The following EPS15L1 variants were observed in gnomAD, a reference collection of about 807,000 sequenced individuals.
EPS15L1 encodes the protein epidermal growth factor receptor pathway substrate 15 like 1.
Under a neutral mutation model 117.1 loss-of-function variants are expected in EPS15L1, and 43 were observed. The observed-to-expected ratio is 0.37, with a 90% CI of 0.29 to 0.47. EPS15L1 has a LOEUF of 0.47. EPS15L1 is among the 20% of genes least tolerant of loss of function. The pLI is 0.99. For missense variants in EPS15L1, 981 were observed against 1,164.0 expected (o/e 0.84, Z 2.29); for synonymous variants, 459 against 470.5 (o/e 0.98, Z 0.32).
intron 1 of EPS15L1, among the ~76,000 whole-genome samples, chr19:16,465,383 G>T (rs1429925729): frequency 6.6e-6 from 1 of 152,136 alleles, no homozygotes; most frequent in Admixed American, 6.6e-5. Context: ...GAAACCTTTG[G>T]ATTCTCCTAA....
intron 22 of EPS15L1, among the ~76,000 whole-genome samples, 175 bp from the exon 23 acceptor site, chr19:16,362,159 T>A (rs905265345): frequency 4.6e-5 from 7 of 152,272 alleles, no homozygotes; most frequent in Middle Eastern, 3.4e-3. Context: ...ATCAGCTTTA[T>A]CCCAGGGGCT....
At chr19:16,373,115 G>A (rs1485852733) in intron 22 of EPS15L1, among the ~76,000 whole-genome samples, 8 of 152,224 alleles carry the variant, frequency 5.3e-5, no homozygotes, top group Non-Finnish European at 2.9e-5. Context: ...TTCCATGAGT[G>A]CAGGTGTCAA....
rs2092771159 is a variant in EPS15L1, at chr19:16,417,603, G to A, written c.1142C>T (p.Thr381Ile). The A allele has an allele frequency of 1.9e-6, 3 of 1,614,182 alleles. No individual in the cohort carries two copies. Among genetic ancestry groups the A allele is most frequent in the Non-Finnish European group, 2.5e-6 (3 of 1,180,016 alleles). The change falls in exon 12 of 24, where the codon ACT (threonine) becomes ATT (isoleucine). Residue 381 changes from threonine (T) to isoleucine (I), a missense_variant. Transcript: ENST00000455140. ...SSGSLGSGEF[T>I]GVKELDDISQ... ...GATGTCATCAAGCTCCTTCACGCCA[G>A]TAAACTCCCCGGAGCCGAGAGAGCC...
At chr19:16,378,764 G>A (rs1321232719) in intron 21 of EPS15L1, among the ~76,000 whole-genome samples, 1 of 152,224 alleles carries the variant, frequency 6.6e-6, no homozygotes, top group Admixed American at 6.5e-5. Context: ...TCAGGCGTCT[G>A]AGGGAAGGGG....
Position 16,355,431 on chromosome 19 carries a change from C to G in EPS15L1, c.*274G>C, listed in dbSNP as rs1284351991. 2.3e-6 allele frequency: 1 copy of G among 426,790 alleles called. No homozygotes were observed. Among genetic ancestry groups the G allele is most frequent in the Non-Finnish European group, 4.2e-6 (1 of 236,560 alleles). The allele number at this position is 426,790 out of a possible 1,614,324, so 26.4% of individuals were successfully genotyped here. On this transcript the variant is annotated 3_prime_UTR_variant, in exon 24 of 24. Coordinates refer to ENST00000455140, the MANE Select transcript of EPS15L1 (RefSeq NM_001258374.3). ...CCTCGACTGACCGCTGTGTGTTCGT[C>G]CCCAGAGGAAGAGCGGGAGGCAGTC...
intron 22 of EPS15L1, among the ~76,000 whole-genome samples, chr19:16,369,554 C>A (rs1568392799): frequency 6.6e-6 from 1 of 151,988 alleles, no homozygotes; most frequent in Non-Finnish European, 1.5e-5. Flanking sequence ...TTGGGGTCCT[C>A]AAAAGGCAAA....
At chr19:16,420,033 G>T (rs912782413) in intron 10 of EPS15L1, among the ~76,000 whole-genome samples, 3 of 152,190 alleles carry the variant, frequency 2.0e-5, no homozygotes, top group Non-Finnish European at 4.4e-5. Context: ...GGCAGCCATC[G>T]CAGGGAAAAA....
chr19:16,457,637 G>A lies in EPS15L1; in HGVS notation c.33+14276C>T, dbSNP rs372376256. ...GCAGAAGGGATGGAACTGGAATGGC[G>A]CCCGGGCAGGAGGGGAACAGATTCC... On this transcript the variant is annotated intron_variant, in intron 1 of 23. Coordinates refer to ENST00000455140, the MANE Select transcript of EPS15L1 (RefSeq NM_001258374.3). 2.9e-4 allele frequency among the ~76,000 whole-genome samples: 44 copies of A among 152,076 alleles called. 1 individual carries two copies. The highest frequency in any genetic ancestry group is 1.0e-3 in the African/African-American group (43 of 41,418).
Position 16,364,537 on chromosome 19 carries a change from G to A in EPS15L1, c.2381-2553C>T, listed in dbSNP as rs546101053. Among the ~76,000 whole-genome samples, 200 of 152,272 alleles carry A rather than the reference G, an allele frequency of 1.3e-3. 1 individual carries two copies. Among genetic ancestry groups the A allele is most frequent in the African/African-American group, 4.7e-3 (195 of 41,558 alleles). ...AGCCCGCAGACCCCGGGCTGGTTCC[G>A]CTGGCCTTGAGGAACTGCCTCACAC... On this transcript the variant is annotated intron_variant, in intron 22 of 23. Transcript: ENST00000455140.
rs1321492128 is a variant in EPS15L1, at chr19:16,381,434, C to A, written c.2247+3695G>T. On this transcript the variant is annotated intron_variant, in intron 21 of 23. Coordinates refer to ENST00000455140, the MANE Select transcript of EPS15L1 (RefSeq NM_001258374.3). The surrounding 1 kb of genome is among the most constrained non-coding windows in gnomAD (Gnocchi z 4.2). ...CAGACTGTCCTGCCCAGGCTGGAACCCCAACCCTGCCACCTACTCAACACC... is the reference window on the plus strand; with the variant it reads ...CAGACTGTCCTGCCCAGGCTGGAACACCAACCCTGCCACCTACTCAACACC... Among the ~76,000 whole-genome samples the A allele has an allele frequency of 6.6e-6, 1 of 152,226 alleles. No individual in the cohort carries two copies. The highest frequency in any genetic ancestry group is 2.4e-5 in the African/African-American group (1 of 41,460).
At chr19:16,420,456 A>G (rs1381044951) in intron 10 of EPS15L1, among the ~76,000 whole-genome samples, 1 of 152,130 alleles carries the variant, frequency 6.6e-6, no homozygotes, top group African/African-American at 2.4e-5. Context: ...GCTGAGACCC[A>G]CTGTCCCTAG....
At chr19:16,362,303 G>A (rs912312964) in intron 22 of EPS15L1, among the ~76,000 whole-genome samples, 2 of 151,614 alleles carry the variant, frequency 1.3e-5, no homozygotes, top group African/African-American at 4.9e-5. Flanking sequence ...ATTTTAGCAT[G>A]GCAACACATT....
chr19:16,376,008 CAG>C (rs2144695495), intron 22 of EPS15L1, among the ~76,000 whole-genome samples: 1 of 152,340 alleles, frequency 6.6e-6, no homozygotes, highest in Non-Finnish European at 1.5e-5. Context: ...TGCGATGACA[CAG>C]GGGCTGCAAA....
Position 16,381,597 on chromosome 19 carries a change from C to T in EPS15L1, c.2247+3532G>A, listed in dbSNP as rs957966869. On this transcript the variant is annotated intron_variant, in intron 21 of 23. Transcript: ENST00000455140. The surrounding 1 kb of genome is among the most constrained non-coding windows in gnomAD (Gnocchi z 4.2). ...AGATAAAGTTGGCACATGGACCACACGACAATGATCACACCAAGTACGAAG... is the reference window on the plus strand; with the variant it reads ...AGATAAAGTTGGCACATGGACCACATGACAATGATCACACCAAGTACGAAG... Among the ~76,000 whole-genome samples the T allele has an allele frequency of 6.6e-6, 1 of 152,218 alleles. No homozygotes were observed. Among genetic ancestry groups the T allele is most frequent in the African/African-American group, 2.4e-5 (1 of 41,462 alleles).
At chr19:16,409,338 A>G (rs1462509205) in intron 13 of EPS15L1, among the ~76,000 whole-genome samples, 1 of 152,242 alleles carries the variant, frequency 6.6e-6, no homozygotes, top group Non-Finnish European at 1.5e-5. Context: ...ATATACAAAA[A>G]TTAACTAGAA....
chr19:16,418,004 G>A lies in EPS15L1; in HGVS notation c.1051C>T (p.Pro351Ser), dbSNP rs1296562990. The change falls in exon 11 of 24, where the codon CCT becomes TCT. Residue 351 changes from proline (P) to serine (S), a missense_variant. Physicochemically the swap from Pro to Ser is moderately conservative, Grantham distance 74. Around this residue, in one of 5 missense-constraint regions of EPS15L1, gnomAD observed 819 missense variants for 949.0 expected, o/e 0.86. Transcript: ENST00000455140. Reference protein sequence around the residue: ...QQKVSKGIDPPQVLSPDMVPP... With the variant: ...QQKVSKGIDPSQVLSPDMVPP... Reference sequence around the variant, plus strand: ...ACCATGTCCGGCGAGAGGACTTGAGGAGGGTCGATGCCTTTACTGACCTTC... The same window carrying A: ...ACCATGTCCGGCGAGAGGACTTGAGAAGGGTCGATGCCTTTACTGACCTTC... 1.2e-6 allele frequency: 2 copies of A among 1,614,112 alleles called. No homozygotes were observed. The highest frequency in any genetic ancestry group is 1.7e-6 in the Non-Finnish European group (2 of 1,180,048).
At chr19:16,453,917 T>G (rs2093170451) in intron 1 of EPS15L1, among the ~76,000 whole-genome samples, 1 of 150,554 alleles carries the variant, frequency 6.6e-6, no homozygotes, top group African/African-American at 2.4e-5. Context: ...TTGATGTGCT[T>G]CTGCCTTGGC....
chr19:16,404,400 G>A lies in EPS15L1; in HGVS notation c.1428+188C>T, dbSNP rs1401827600. ...CACTTATACAACCTGACTTCTAGGA[G>A]TACAGGGGGGTGGCCAGGAAGTCAA... is the stretch of plus-strand genomic sequence containing the variant. On this transcript the variant is annotated intron_variant, in intron 14 of 23. Transcript: ENST00000455140. The surrounding 1 kb of genome is among the most constrained non-coding windows in gnomAD (Gnocchi z 4.2). Among the ~76,000 whole-genome samples, 2 of 152,168 alleles carry A rather than the reference G, an allele frequency of 1.3e-5. No individual in the cohort carries two copies. Among genetic ancestry groups the A allele is most frequent in the African/African-American group, 2.4e-5 (1 of 41,442 alleles).
At chr19:16,386,620 C>G (rs1172867999) in intron 19 of EPS15L1, among the ~76,000 whole-genome samples, 1 of 152,180 alleles carries the variant, frequency 6.6e-6, no homozygotes, top group Non-Finnish European at 1.5e-5. Flanking sequence ...AATCTGACCA[C>G]CAGAGGATGG....
Sources: gnomAD v4.1 joint callset for allele counts (sites outside exome capture counted in the v4.1 genomes callset) on GRCh38, gnomAD v4.1.1 for gene constraint, gnomAD v4.1.1 regional missense constraint, Gnocchi (gnomAD v3.1) non-coding constraint, MANE v1.5 for transcripts, NCBI Gene and HGNC (gene_info 2026-07-23, HGNC 2026-07-21) for gene names.